The following RALGPS1 variants were observed in gnomAD, a reference collection of about 807,000 sequenced individuals.
The protein encoded by RALGPS1 is Ral GEF with PH domain and SH3 binding motif 1, also known as ras-specific guanine nucleotide-releasing factor RalGPS1.
In RALGPS1, 19 loss-of-function variants were observed where a neutral mutation model predicts 78.8. The observed-to-expected ratio is 0.24, with a 90% CI of 0.17 to 0.35. RALGPS1 has a LOEUF of 0.35. Among genes scored for constraint, RALGPS1 ranks in the 10% least tolerant of loss-of-function variants. The pLI is 1.00. For synonymous variants in RALGPS1, 228 were observed against 256.3 expected, an observed-to-expected ratio of 0.89 and a Z score of 1.06; for missense variants, 454 against 688.3, an observed-to-expected ratio of 0.66 and a Z score of 3.81.
At chr9:127,098,534 A>G (rs1404064158) in intron 8 of RALGPS1, among the ~76,000 whole-genome samples, 1 of 152,226 alleles carries the variant, frequency 6.6e-6, no homozygotes, top group African/African-American at 2.4e-5. Context: ...GGGTAGGCAC[A>G]CAGGGTCTGG....
rs984270801 is a variant in RALGPS1, at chr9:127,222,953, C to G, written c.*4184C>G. 4 of 152,646 alleles carry G rather than the reference C, an allele frequency of 2.6e-5. No individual in the cohort carries two copies. Among genetic ancestry groups the G allele is most frequent in the Non-Finnish European group, 5.9e-5 (4 of 68,044 alleles). 9.5% of individuals were successfully genotyped at this position (152,646 alleles called of 1,614,324 possible). ...AGTTGTGTAAGGACTTTCTCTAATT[C>G]TTGTGAATCGTCTCACCCGCAGTAA... On this transcript the variant is annotated 3_prime_UTR_variant, in exon 19 of 19. Coordinates refer to ENST00000259351, the MANE Select transcript of RALGPS1 (RefSeq NM_014636.3).
chr9:127,014,822 C>A (rs2044670236), intron 4 of RALGPS1, among the ~76,000 whole-genome samples: 1 of 152,114 alleles, frequency 6.6e-6, no homozygotes, highest in Non-Finnish European at 1.5e-5. Context: ...CCCTGGTCTC[C>A]TGTGTGGTTA....
intron 4 of RALGPS1, among the ~76,000 whole-genome samples, chr9:127,020,058 AT>A (rs1417020505): frequency 3.3e-5 from 5 of 151,836 alleles, no homozygotes; most frequent in Non-Finnish European, 5.9e-5. Context: ...TGATTCCTGT[AT>A]TTCTTAGCCA....
chr9:126,977,237 A>C (rs987636268), intron 3 of RALGPS1, among the ~76,000 whole-genome samples: 19 of 152,234 alleles, frequency 1.2e-4, no homozygotes, highest in Non-Finnish European at 1.8e-4. Context: ...ACTTCAGAAG[A>C]AAAATATAAT....
chr9:126,960,219 C>T (rs187331801), intron 1 of RALGPS1, among the ~76,000 whole-genome samples: 7,957 of 85,748 alleles, frequency 0.093, 1,048 homozygotes, highest in African/African-American at 0.29. Flanking sequence ...CTCCCTCCCT[C>T]CCTTCCTTCC....
chr9:127,048,655 C>A (rs752504541), intron 5 of RALGPS1, among the ~76,000 whole-genome samples: 1 of 152,140 alleles, frequency 6.6e-6, no homozygotes, highest in Non-Finnish European at 1.5e-5. Flanking sequence ...CTTTGACATG[C>A]AGGAATCTAC....
intron 8 of RALGPS1, among the ~76,000 whole-genome samples, chr9:127,133,188 A>T (rs555675271): frequency 6.6e-6 from 1 of 152,318 alleles, no homozygotes; most frequent in East Asian, 1.9e-4. Flanking sequence ...GCGTGGCCCC[A>T]TGGGGAGGGA....
Position 127,220,057 on chromosome 9 carries a change from CTT to C in RALGPS1, c.*1291_*1292del, listed in dbSNP as rs1015110500. 2.0e-5 allele frequency: 3 copies of C among 152,642 alleles called. No homozygotes were observed. Among genetic ancestry groups the C allele is most frequent in the East Asian group, 1.9e-4 (1 of 5,200 alleles). 9.5% of individuals were successfully genotyped at this position (152,642 alleles called of 1,614,324 possible). On this transcript the variant is annotated 3_prime_UTR_variant, in exon 19 of 19. Transcript: ENST00000259351. ...CACCTTGTGTCACATTTTAAAGTGACTTTTATTTTGCACAAATAATTTTTATT... is the reference window on the plus strand; with the variant it reads ...CACCTTGTGTCACATTTTAAAGTGACTTATTTTGCACAAATAATTTTTATT...
At chr9:126,958,158 T>TATATATATATATATATAC (rs1345241110) in intron 1 of RALGPS1, among the ~76,000 whole-genome samples, 27 of 121,122 alleles carry the variant, frequency 2.2e-4, no homozygotes, top group African/African-American at 6.3e-4. Flanking sequence ...TATATATATA[T>TATATATATATATATATAC]ACACACACAC....
At chr9:127,140,214 C>G (rs1649396108) in intron 8 of RALGPS1, among the ~76,000 whole-genome samples, 1 of 152,202 alleles carries the variant, frequency 6.6e-6, no homozygotes, top group South Asian at 2.1e-4. Flanking sequence ...TTCCTCCTGC[C>G]TTGAGAGTTG....
intron 4 of RALGPS1, among the ~76,000 whole-genome samples, chr9:126,998,948 T>TA (rs1454376927): frequency 7.2e-6 from 1 of 138,546 alleles, no homozygotes; most frequent in Non-Finnish European, 1.5e-5. Flanking sequence ...TGTTCTCACT[T>TA]ACAGGTGGGA....
chr9:127,197,450 G>A (rs933026118), intron 13 of RALGPS1, among the ~76,000 whole-genome samples: 24 of 147,480 alleles, frequency 1.6e-4, no homozygotes, highest in African/African-American at 4.5e-4. Flanking sequence ...ACCAGTTGCC[G>A]AGCTGGGAGT....
intron 8 of RALGPS1, among the ~76,000 whole-genome samples, chr9:127,126,038 G>A (rs2056590363): frequency 6.6e-6 from 1 of 151,992 alleles, no homozygotes; most frequent in Non-Finnish European, 1.5e-5. Context: ...GTTCTTAGAG[G>A]GGTGTACTTG....
intron 8 of RALGPS1, among the ~76,000 whole-genome samples, chr9:127,120,532 T>C (rs1283998666): frequency 6.6e-6 from 1 of 152,178 alleles, no homozygotes; most frequent in African/African-American, 2.4e-5. Flanking sequence ...GGGAAAGAAT[T>C]TGGGTCTCTG....
intron 8 of RALGPS1, among the ~76,000 whole-genome samples, chr9:127,075,150 C>T (rs2050567698): frequency 6.6e-6 from 1 of 152,226 alleles, no homozygotes; most frequent in East Asian, 1.9e-4. Context: ...CCAAGAGGCT[C>T]CATGGAGGCC....
intron 1 of RALGPS1, among the ~76,000 whole-genome samples, chr9:126,959,927 T>G (rs577858999): frequency 6.6e-4 from 101 of 152,302 alleles, no homozygotes; most frequent in Non-Finnish European, 1.2e-3. Context: ...GATTCCCAAA[T>G]GTTGTTTATA....
Position 127,114,441 on chromosome 9 carries a change from C to T in RALGPS1, c.610+45085C>T, listed in dbSNP as rs532741375. 3.3e-5 allele frequency among the ~76,000 whole-genome samples: 5 copies of T among 152,292 alleles called. No homozygotes were observed. The East Asian group carries it at 9.6e-4, about 29-fold the overall frequency. On this transcript the variant is annotated intron_variant, in intron 8 of 18. Transcript: ENST00000259351. ...CTGTGAATAAAGAGAAACCAAAGTG[C>T]CAAAGTGACTGGAAACCCAAAAGAG...
At chr9:127,020,961 A>G (rs2045385640) in intron 4 of RALGPS1, among the ~76,000 whole-genome samples, 1 of 152,248 alleles carries the variant, frequency 6.6e-6, no homozygotes, top group Admixed American at 6.5e-5. Flanking sequence ...ATGGATAAAT[A>G]TATGTAAAAT....
chr9:126,991,568 C>T (rs1384186114), intron 4 of RALGPS1, among the ~76,000 whole-genome samples: 5 of 152,102 alleles, frequency 3.3e-5, no homozygotes, highest in African/African-American at 9.7e-5. Context: ...GAACTCTTGT[C>T]ATAGGAACAA....
Sources: gnomAD v4.1 joint callset for allele counts (sites outside exome capture counted in the v4.1 genomes callset) on GRCh38, gnomAD v4.1.1 for gene constraint, MANE v1.5 for transcripts, NCBI Gene and HGNC (gene_info 2026-07-23, HGNC 2026-07-21) for gene names.